Variants in IK observed in about 807,000 individuals in gnomAD.
IK encodes protein Red.
A neutral mutation model predicts 90.9 loss-of-function variants in IK; 47 were observed. The ratio of observed to expected loss-of-function variants is 0.52; its 90% CI spans 0.41 to 0.66. The LOEUF (loss-of-function observed/expected upper bound fraction) is 0.66, where lower values mean the gene tolerates loss of function less well. Ranked by LOEUF, IK falls within the 30% of genes least tolerant of loss-of-function variation. IK has a pLI of 0.00. For missense variants in IK, 385 were observed against 709.3 expected, an observed-to-expected ratio of 0.54 and a Z score of 5.19; for synonymous variants, 201 against 227.5, an observed-to-expected ratio of 0.88 and a Z score of 1.05.
intron 2 of IK, among the ~76,000 whole-genome samples, chr5:140,650,722 G>A (rs958267944): frequency 6.6e-6 from 1 of 152,000 alleles, no homozygotes; most frequent in Non-Finnish European, 1.5e-5. Flanking sequence ...GATTACAGGC[G>A]CCCACCACAA....
chr5:140,652,067 T>G, intron 3 of IK, 21 bp from the exon 4 acceptor site: 1 of 1,604,612 alleles, frequency 6.2e-7, no homozygotes, highest in Non-Finnish European at 8.5e-7. Context: ...TTGCTATCAG[T>G]GAATTTCTCG....
At chr5:140,660,626 T>C (rs1757788646) in intron 15 of IK, 132 bp from the exon 16 acceptor site, 1 of 660,650 alleles carries the variant, frequency 1.5e-6, no homozygotes, top group Non-Finnish European at 2.7e-6. Flanking sequence ...GGATGAACTA[T>C]TTTATTAGGC....
At chr5:140,651,839 A>C in intron 3 of IK, 33 bp downstream of exon 3, 1 of 1,349,278 alleles carries the variant, frequency 7.4e-7, no homozygotes, top group Non-Finnish European at 1.1e-6. Context: ...CTGTCTCCCA[A>C]CTTGTTTCTT....
At chr5:140,657,858 C>G (rs772313333) in intron 10 of IK, among the ~76,000 whole-genome samples, 196 bp downstream of exon 10, 9 of 152,172 alleles carry the variant, frequency 5.9e-5, no homozygotes, top group Non-Finnish European at 1.0e-4. Context: ...AAGCAGTGGT[C>G]AGGTCTGAAG....
chr5:140,648,040 G>GTGTGTGTGTA (rs1368508401), intron 1 of IK, 116 bp downstream of exon 1: 4 of 763,154 alleles, frequency 5.2e-6, no homozygotes, highest in South Asian at 3.1e-5. Flanking sequence ...GTGTGTGTGT[G>GTGTGTGTGTA]TGTGTATGTA....
At chr5:140,659,400 G>A in intron 13 of IK, 67 bp downstream of exon 13, 1 of 1,570,182 alleles carries the variant, frequency 6.4e-7, no homozygotes, top group Non-Finnish European at 8.8e-7. Context: ...AGGGCTCAGA[G>A]CTGGCAACGG....
chr5:140,648,038 GTGTGTGTA>G (rs779484520), intron 1 of IK, 114 bp downstream of exon 1: 36 of 970,440 alleles, frequency 3.7e-5, no homozygotes, highest in Middle Eastern at 4.6e-4. Flanking sequence ...GTGTGTGTGT[GTGTGTGTA>G]TGTATGTATG....
Position 140,653,129 on chromosome 5 carries a change from GC to G in IK, c.393del (p.Thr132LeufsTer15). 1 of 1,613,700 alleles carries G rather than the reference GC, an allele frequency of 6.2e-7. No homozygotes were observed. Among genetic ancestry groups the G allele is most frequent in the Non-Finnish European group, 8.5e-7 (1 of 1,179,744 alleles). On this transcript the variant is annotated frameshift_variant, in exon 5 of 20. Transcript: ENST00000417647. LOFTEE classifies it high-confidence loss of function. ...ISTTANYRAV[G>X]PTAEADKSAA... Reference sequence around the variant, plus strand: ...ACCACAGCTAACTATAGGGCTGTTGGCCCCACTGCTGAGGCGTGAGTACTGA... The same window carrying G: ...ACCACAGCTAACTATAGGGCTGTTGGCCCACTGCTGAGGCGTGAGTACTGA...
rs758451409 is a variant in IK at position 140,659,048 on chromosome 5, C to T, written c.1060C>T (p.Arg354Cys). Residue 354 changes from arginine to cysteine, a missense_variant, in exon 12 of 20, where the codon CGT becomes TGT. This residue lies in a region of IK where 139 missense variants were observed against 172.0 expected (regional missense o/e 0.81). Transcript: ENST00000417647. ...RERDRERDRD[R>C]DRERERERDR... ...GCGTGATCGGGAAAGAGACAGAGAC[C>T]GTGACCGAGAGCGAGAGCGAGAACG... is the stretch of plus-strand genomic sequence containing the variant. The T allele has an allele frequency of 3.1e-5, 50 of 1,610,774 alleles. No homozygotes were observed. The highest frequency in any genetic ancestry group is 3.7e-5 in the Non-Finnish European group (44 of 1,177,336).
intron 15 of IK, 93 bp downstream of exon 15, chr5:140,660,288 ACTTCT>A: frequency 2.5e-6 from 1 of 398,160 alleles, no homozygotes; most frequent in East Asian, 4.7e-5. Flanking sequence ...TCCCAGGGCT[ACTTCT>A]TTTTTTTTTT....
chr5:140,661,076 G>A lies in IK; in HGVS notation c.1413+261G>A. ...CAGGCTTTGATTCCCATGGTAGGCA[G>A]TAAGCAAGCATCAATGCATAAGTAG... On this transcript the variant is annotated intron_variant, in intron 16 of 19. Transcript: ENST00000417647. This position sits in a 1 kb window ranked among gnomAD's most constrained non-coding sequence, Gnocchi z 4.2. The A allele has an allele frequency of 2.3e-6, 1 of 425,946 alleles. No individual in the cohort carries two copies. Among genetic ancestry groups the A allele is most frequent in the East Asian group, 3.6e-5 (1 of 28,148 alleles). The allele number at this position is 425,946 out of a possible 1,614,324, so 26.4% of individuals were successfully genotyped here.
chr5:140,654,649 T>A (rs373920549), intron 7 of IK, 32 bp from the exon 8 acceptor site: 1 of 1,587,256 alleles, frequency 6.3e-7, no homozygotes. Flanking sequence ...TAGAGCACAT[T>A]TAGCAAAAAT....
chr5:140,660,328 C>T lies in IK; in HGVS notation c.1355+133C>T, dbSNP rs189562893. 4.8e-4 allele frequency: 239 copies of T among 496,656 alleles called. 1 individual carries two copies. The African/African-American group carries it at 8.0e-3, about 17-fold the overall frequency. The allele number at this position is 496,656 out of a possible 1,614,324, so 30.8% of individuals were successfully genotyped here. A position where few individuals can be genotyped will look rare whatever the true frequency, so the allele number is the denominator to read the frequency against. On this transcript the variant is annotated intron_variant, in intron 15 of 19. Transcript: ENST00000417647. ...TTTTTTTTTTTTGGAGACAGAGTCT[C>T]ACTCTGTCACCCAGGCTGGAATGCA... is the stretch of plus-strand genomic sequence containing the variant.
Position 140,661,483 on chromosome 5 carries a change from T to G in IK, c.1414-137T>G, listed in dbSNP as rs1202763929. 11 of 633,048 alleles carry G rather than the reference T, an allele frequency of 1.7e-5. No individual in the cohort carries two copies. Among genetic ancestry groups the G allele is most frequent in the Non-Finnish European group, 2.9e-6 (1 of 350,268 alleles). 39.2% of individuals were successfully genotyped at this position (633,048 alleles called of 1,614,324 possible). A position where few individuals can be genotyped will look rare whatever the true frequency, so the allele number is the denominator to read the frequency against. On this transcript the variant is annotated intron_variant, in intron 16 of 19. Coordinates refer to ENST00000417647, the MANE Select transcript of IK (RefSeq NM_006083.4). The surrounding 1 kb of genome is among the most constrained non-coding windows in gnomAD (Gnocchi z 4.2). The stretch of plus-strand genomic sequence containing the variant: ...ACATAGTAAGTATGTAATAAGCATT[T>G]ATTATTACTTATCAGGGTATGATTT...
intron 1 of IK, 60 bp downstream of exon 1, chr5:140,647,984 T>C (rs535439456): frequency 6.4e-7 from 1 of 1,551,766 alleles, no homozygotes; most frequent in African/African-American, 1.4e-5. Context: ...TGGCGCATTA[T>C]TGTAGCTTCT....
Position 140,661,856 on chromosome 5 carries a change from C to T in IK, c.1503-43C>T, listed in dbSNP as rs746316347. Reference sequence around the variant, plus strand: ...GGACTCTGGGAAAACCTCGCCACTGCTATGCAATCTCTGATGCATTCTTTC... The same window carrying T: ...GGACTCTGGGAAAACCTCGCCACTGTTATGCAATCTCTGATGCATTCTTTC... On this transcript the variant is annotated intron_variant, in intron 17 of 19. Transcript: ENST00000417647. The surrounding 1 kb of genome is among the most constrained non-coding windows in gnomAD (Gnocchi z 4.2). The T allele has an allele frequency of 5.9e-6, 9 of 1,531,644 alleles. No homozygotes were observed. In the Admixed American group the frequency reaches 1.1e-4, roughly 19 times the overall value. The allele number at this position is 1,531,644 out of a possible 1,614,324, so 94.9% of individuals were successfully genotyped here.
At chr5:140,649,787 C>T (rs1357355725) in intron 2 of IK, among the ~76,000 whole-genome samples, 4 of 152,102 alleles carry the variant, frequency 2.6e-5, no homozygotes, top group Middle Eastern at 3.2e-3. Flanking sequence ...CCCGTCTCGG[C>T]GGCCCAAAGT....
chr5:140,651,656 G>T (rs185802166), intron 2 of IK, 58 bp from the exon 3 acceptor site: 12 of 824,552 alleles, frequency 1.5e-5, no homozygotes, highest in African/African-American at 5.2e-5. Context: ...ATTTTTACTT[G>T]TTCCTTTTTC....
At chr5:140,656,677 G>A (rs1346629471) in intron 9 of IK, among the ~76,000 whole-genome samples, 1 of 152,128 alleles carries the variant, frequency 6.6e-6, no homozygotes, top group Non-Finnish European at 1.5e-5. Flanking sequence ...AGGTACATGA[G>A]ATGTTTTGAT....
Sources: allele counts gnomAD v4.1 joint callset (sites outside exome capture counted in the v4.1 genomes callset), GRCh38; gene constraint gnomAD v4.1.1; regional missense constraint gnomAD v4.1.1; non-coding constraint Gnocchi (gnomAD v3.1); transcripts MANE v1.5; gene names NCBI Gene and HGNC (gene_info 2026-07-23, HGNC 2026-07-21).